Variants in CLEC12A observed in about 807,000 individuals in gnomAD.
The protein encoded by CLEC12A is C-type lectin protein CLL-1.
CLEC12A carries 22 observed loss-of-function variants against 26.5 expected under a neutral mutation model. That is an observed-to-expected ratio of 0.83 (90% CI 0.59 to 1.19). The LOEUF (loss-of-function observed/expected upper bound fraction) is 1.19. CLEC12A is among the 50% of genes most tolerant of loss of function. The pLI is 0.00. For synonymous variants in CLEC12A, 119 were observed against 101.9 expected, an observed-to-expected ratio of 1.17 and a Z score of -1.01; for missense variants, 353 against 315.6, an observed-to-expected ratio of 1.12 and a Z score of -0.90.
Position 9,978,963 on chromosome 12 carries a change from C to T in CLEC12A, c.92-3C>T. On this transcript the variant is annotated splice_polypyrimidine_tract_variant and splice_region_variant and intron_variant, in intron 1 of 5. Transcript: ENST00000304361. ...GCCTCTCTGTTAATTTTGCTTTCCA[C>T]AGCACCTCCAGCTCCCTCTCATGTA... 6.2e-7 allele frequency: 1 copy of T among 1,612,930 alleles called. No homozygotes were observed. The highest frequency in any genetic ancestry group is 8.5e-7 in the Non-Finnish European group (1 of 1,179,056).
downstream of CLEC12A, among the ~76,000 whole-genome samples, chr12:9,990,330 A>AT (rs1449493779): frequency 1.3e-5 from 2 of 152,352 alleles, no homozygotes; most frequent in East Asian, 3.9e-4. Flanking sequence ...CATTAAAAAG[A>AT]TTTGTGATTC....
At chr12:9,962,791 A>C (rs779352119) in intron 1 of CLEC12A, among the ~76,000 whole-genome samples, 1 of 152,166 alleles carries the variant, frequency 6.6e-6, no homozygotes, top group Non-Finnish European at 1.5e-5. Context: ...CTGGATGTGT[A>C]TGTGCAGGTC....
the CLEC12A span, among the ~76,000 whole-genome samples, chr12:10,005,155 G>C: frequency 6.6e-6 from 1 of 152,132 alleles, no homozygotes; most frequent in Non-Finnish European, 1.5e-5. Context: ...GATCACTGCA[G>C]ATGTCCAAGG....
At chr12:9,973,710 A>T (rs745312177) in intron 1 of CLEC12A, among the ~76,000 whole-genome samples, 2 of 152,080 alleles carry the variant, frequency 1.3e-5, no homozygotes, top group African/African-American at 2.4e-5. Flanking sequence ...CCTTCCAGAT[A>T]GTATTTACGA....
chr12:9,979,101 C>A lies in CLEC12A; in HGVS notation c.190+37C>A, dbSNP rs180998432. ...CCCTGTTTTTGTCAAGAGGAAGTAT[C>A]TAGAATTTCAAATATTTAGCAACAA... On this transcript the variant is annotated intron_variant, in intron 2 of 5. Coordinates refer to ENST00000304361, the MANE Select transcript of CLEC12A (RefSeq NM_138337.6). 50 of 1,505,276 alleles carry A rather than the reference C, an allele frequency of 3.3e-5. No individual in the cohort carries two copies. In the African/African-American group the frequency reaches 5.5e-4, roughly 17 times the overall value. The allele number at this position is 1,505,276 out of a possible 1,614,324, so 93.2% of individuals were successfully genotyped here. A position where few individuals can be genotyped will look rare whatever the true frequency, so the allele number is the denominator to read the frequency against.
At chr12:9,991,575 G>GTAACAAATTTACTCCAA (rs1864893777) in intron 4 of CLEC12A, 1 of 152,012 alleles carries the variant, frequency 6.6e-6, no homozygotes, top group Non-Finnish European at 1.5e-5. Flanking sequence ...CCAGACATTT[G>GTAACAAATTTACTCCAA]AAGTAACAAG....
At position 9,979,517 on chromosome 12, in the gene CLEC12A, A is replaced by G; in HGVS notation, c.372A>G (p.Lys124=). ...ATKLCRELYS[K]EQEHKCKPCP... ...AATTATGTCGTGAGCTATATAGCAA[A>G]GAACAAGGTAATCTTGTATTCTCTT... Residue 124 remains lysine (K), a synonymous_variant, in exon 3 of 6, where the codon AAA becomes AAG. Coordinates refer to ENST00000304361, the MANE Select transcript of CLEC12A (RefSeq NM_138337.6). The G allele has an allele frequency of 1.2e-6, 2 of 1,608,402 alleles. No homozygotes were observed. Among genetic ancestry groups the G allele is most frequent in the Non-Finnish European group, 1.7e-6 (2 of 1,177,370 alleles).
chr12:10,002,935 G>A, the CLEC12A span, among the ~76,000 whole-genome samples: 5 of 152,090 alleles, frequency 3.3e-5, no homozygotes, highest in African/African-American at 1.2e-4. Flanking sequence ...AGTGGAATAC[G>A]TAACATTGTG....
exon 5 of CLEC12A, chr12:9,995,031 C>G: frequency 1.3e-6 from 2 of 1,581,040 alleles, no homozygotes; most frequent in Non-Finnish European, 1.7e-6. Context: ...GTAAGTGACC[C>G]AGCTGCTGCT....
intron 1 of CLEC12A, among the ~76,000 whole-genome samples, chr12:9,957,588 C>T (rs963565060): frequency 6.6e-6 from 1 of 151,786 alleles, no homozygotes; most frequent in African/African-American, 2.4e-5. Context: ...TCACTAAATA[C>T]ACAATTACAT....
At chr12:10,001,938 G>A in the CLEC12A span, among the ~76,000 whole-genome samples, 4 of 144,168 alleles carry the variant, frequency 2.8e-5, no homozygotes, top group Non-Finnish European at 4.5e-5. Context: ...GGAGTGCAGT[G>A]GCGCCATCTT....
rs201056763 is a variant in CLEC12A at position 9,962,753 on chromosome 12, G to C, written c.11-8824G>C. 2.1e-4 allele frequency among the ~76,000 whole-genome samples: 32 copies of C among 152,320 alleles called. 1 individual carries two copies. In the East Asian group the frequency reaches 2.3e-3, roughly 11 times the overall value. ...ATTTTCACTTCTTTTGTAGTGGAAT[G>C]TCATCTGTTAAGGCAGGAACCGGCC... On this transcript the variant is annotated intron_variant, in intron 1 of 6. Coordinates refer to the CLEC12A transcript ENST00000355690.
At chr12:9,980,459 G>T in intron 3 of CLEC12A, 123 bp from the exon 4 acceptor site, 1 of 1,040,522 alleles carries the variant, frequency 9.6e-7, no homozygotes, top group Non-Finnish European at 1.4e-6. Flanking sequence ...GGGGGAAAGA[G>T]AGAAAGAAAA....
upstream of CLEC12A, among the ~76,000 whole-genome samples, chr12:9,969,522 C>T (rs1367762872): frequency 6.6e-6 from 1 of 152,102 alleles, no homozygotes; most frequent in Non-Finnish European, 1.5e-5. Flanking sequence ...AATACTTATT[C>T]AAATATTTTC....
Position 9,984,888 on chromosome 12 carries a change from T to G in CLEC12A, c.660T>G (p.Pro220=). ...NSSAWVIRNA[P]DLNNMYCGYI... The stretch of plus-strand genomic sequence containing the variant: ...CTTTCAGGGTTATAAGAAACGCACC[T>G]GACTTAAATAACATGTATTGTGGAT... Residue 220 remains proline (P), a synonymous_variant, in exon 6 of 6, where the codon CCT becomes CCG. Coordinates refer to ENST00000304361, the MANE Select transcript of CLEC12A (RefSeq NM_138337.6). 5.2e-6 allele frequency: 8 copies of G among 1,533,204 alleles called. No individual in the cohort carries two copies. The highest frequency in any genetic ancestry group is 7.0e-6 in the Non-Finnish European group (8 of 1,139,754). The allele number at this position is 1,533,204 out of a possible 1,614,324, so 95.0% of individuals were successfully genotyped here.
chr12:9,976,502 G>A (rs546696260), intron 1 of CLEC12A, among the ~76,000 whole-genome samples: 8 of 152,176 alleles, frequency 5.3e-5, no homozygotes, highest in Non-Finnish European at 7.3e-5. Flanking sequence ...TGGAATGACC[G>A]TATTTATCCA....
chr12:9,960,987 A>C (rs1863818601), intron 1 of CLEC12A, among the ~76,000 whole-genome samples: 1 of 152,238 alleles, frequency 6.6e-6, no homozygotes. Context: ...CCCGTGACAC[A>C]GCCCTCAGGA....
At chr12:9,995,187 C>A (rs370262331) in exon 5 of CLEC12A, 1 of 1,613,064 alleles carries the variant, frequency 6.2e-7, no homozygotes, top group Non-Finnish European at 8.5e-7. Flanking sequence ...AGACCTCATT[C>A]GACTTCTGGC....
chr12:9,986,190 T>C (rs1035900629), downstream of CLEC12A: 1 of 451,678 alleles, frequency 2.2e-6, no homozygotes, highest in Non-Finnish European at 4.5e-6. Flanking sequence ...ATAAATAACA[T>C]TTACAGTTTG....
Sources: allele counts gnomAD v4.1 joint callset (sites outside exome capture counted in the v4.1 genomes callset), GRCh38; gene constraint gnomAD v4.1.1; transcripts MANE v1.5; gene names NCBI Gene and HGNC (gene_info 2026-07-23, HGNC 2026-07-21).